Variants in PREX1 observed in about 807,000 individuals in gnomAD.
PREX1 encodes phosphatidylinositol 3,4,5-trisphosphate-dependent Rac exchanger 1 protein.
Under a neutral mutation model 198.3 loss-of-function variants are expected in PREX1, and 41 were observed. The observed-to-expected ratio is 0.21, with a 90% CI of 0.16 to 0.27. The LOEUF (loss-of-function observed/expected upper bound fraction) is 0.27, where lower values mean the gene tolerates loss of function less well. PREX1 is among the 10% of genes least tolerant of loss of function. The pLI, the probability that PREX1 is intolerant of heterozygous loss-of-function variation, is 1.00. For synonymous variants in PREX1, 843 were observed against 887.2 expected (o/e 0.95, Z 0.89); for missense variants, 1,620 against 2,200.7 (o/e 0.74, Z 5.28).
At chr20:48,858,346 A>T in the PREX1 span, among the ~76,000 whole-genome samples, 1 of 152,194 alleles carries the variant, frequency 6.6e-6, no homozygotes, top group Non-Finnish European at 1.5e-5. Context: ...CTCACTCAGC[A>T]TCAATCTCCT....
chr20:48,679,433 T>A (rs764375262), intron 12 of PREX1, 24 bp from the exon 13 acceptor site: 27 of 1,609,788 alleles, frequency 1.7e-5, no homozygotes, highest in Non-Finnish European at 2.1e-5. Flanking sequence ...GGGGAGGAAT[T>A]CTGGGATCAG....
At chr20:48,785,473 G>A (rs933099213) in intron 1 of PREX1, among the ~76,000 whole-genome samples, 4 of 152,222 alleles carry the variant, frequency 2.6e-5, no homozygotes, top group African/African-American at 7.2e-5. Flanking sequence ...CTGGCTTTGG[G>A]TGGGACCCCC....
the PREX1 span, among the ~76,000 whole-genome samples, chr20:48,866,877 C>T: frequency 3.9e-5 from 6 of 151,998 alleles, no homozygotes; most frequent in East Asian, 5.8e-4. Context: ...TGCAGTTAGC[C>T]GAGATCACCC....
intron 15 of PREX1, among the ~76,000 whole-genome samples, chr20:48,665,591 T>C (rs1482886226): frequency 6.6e-6 from 1 of 152,230 alleles, no homozygotes; most frequent in African/African-American, 2.4e-5. Context: ...TCTGAGCTTC[T>C]ATACCCTCAT....
chr20:48,713,579 T>C (rs1324146829), intron 5 of PREX1, among the ~76,000 whole-genome samples: 2 of 151,880 alleles, frequency 1.3e-5, no homozygotes, highest in African/African-American at 4.8e-5. Flanking sequence ...TACCAAAAAA[T>C]TTTAAAAACT....
At chr20:48,746,744 A>G (rs1038755056) in intron 2 of PREX1, among the ~76,000 whole-genome samples, 2 of 148,764 alleles carry the variant, frequency 1.3e-5, no homozygotes, top group Non-Finnish European at 3.0e-5. Context: ...ACTGTATGAG[A>G]CTTCTACCTC....
chr20:48,627,711 C>A (rs2089283992), intron 38 of PREX1, 96 bp from the exon 39 acceptor site: 2 of 1,459,706 alleles, frequency 1.4e-6, no homozygotes, highest in South Asian at 2.3e-5. Flanking sequence ...AGCCCAAGGA[C>A]CCAGAAGCTA....
chr20:48,666,384 T>C lies in PREX1; in HGVS notation c.1666-29A>G. The stretch of plus-strand genomic sequence containing the variant: ...GAATGGAACAAGAAGGGGAGGGTGT[T>C]AGGTGGCAGCATCCGAGAGGCCATG... On this transcript the variant is annotated intron_variant, in intron 14 of 39. Coordinates refer to ENST00000371941, the MANE Select transcript of PREX1 (RefSeq NM_020820.4). The surrounding 1 kb of genome is among the most constrained non-coding windows in gnomAD (Gnocchi z 4.3). 1.3e-6 allele frequency: 2 copies of C among 1,531,816 alleles called. No homozygotes were observed. Among genetic ancestry groups the C allele is most frequent in the Non-Finnish European group, 1.8e-6 (2 of 1,133,522 alleles). The allele number at this position is 1,531,816 out of a possible 1,614,324, so 94.9% of individuals were successfully genotyped here. A position where few individuals can be genotyped will look rare whatever the true frequency, so the allele number is the denominator to read the frequency against.
chr20:48,713,541 C>A (rs1022414274), intron 5 of PREX1, among the ~76,000 whole-genome samples: 1 of 152,034 alleles, frequency 6.6e-6, no homozygotes, highest in Non-Finnish European at 1.5e-5. Context: ...TCAAGACCAG[C>A]CTGGGCAACA....
the PREX1 span, chr20:48,849,541 G>A: frequency 6.6e-6 from 1 of 152,166 alleles, no homozygotes; most frequent in African/African-American, 2.4e-5. Flanking sequence ...TAGAGTGGCT[G>A]CTCCATCAAT....
At chr20:48,865,791 A>G in the PREX1 span, among the ~76,000 whole-genome samples, 1,088 of 152,308 alleles carry the variant, frequency 7.1e-3, 18 homozygotes, top group African/African-American at 0.025. Context: ...GAAATGGTCA[A>G]TAAGGAACAG....
chr20:48,744,693 T>C (rs900781992), intron 3 of PREX1, among the ~76,000 whole-genome samples: 8 of 152,198 alleles, frequency 5.3e-5, no homozygotes, highest in African/African-American at 1.9e-4. Flanking sequence ...CATCTCTTCT[T>C]GGCCACTAGC....
intron 5 of PREX1, among the ~76,000 whole-genome samples, chr20:48,724,222 T>A (rs73911653): frequency 0.073 from 11,101 of 152,282 alleles, 472 homozygotes; most frequent in Middle Eastern, 0.14. Context: ...CTACTGCTTA[T>A]CTACTACGTG....
chr20:48,728,514 C>T (rs1007155552), intron 4 of PREX1, among the ~76,000 whole-genome samples: 1 of 152,250 alleles, frequency 6.6e-6, no homozygotes, highest in Non-Finnish European at 1.5e-5. Context: ...GAATGGCCCC[C>T]ACCAGTGTTT....
chr20:48,713,926 GAAATAAATCCTT>G lies in PREX1; in HGVS notation c.622-5517_622-5506del, dbSNP rs552359308. 1.6e-3 allele frequency among the ~76,000 whole-genome samples: 232 copies of G among 148,142 alleles called. 2 individuals carry two copies. Among genetic ancestry groups the G allele is most frequent in the Middle Eastern group, 7.1e-3 (2 of 280 alleles). On this transcript the variant is annotated intron_variant, in intron 5 of 39. Transcript: ENST00000371941. ...CATATCAAAAAAAATTGAGAGTCCA[GAAATAAATCCTT>G]ACATTTATGGTCAGTTAATTTTCCA...
At chr20:48,672,136 C>A (rs2089679593) in intron 14 of PREX1, among the ~76,000 whole-genome samples, 1 of 152,224 alleles carries the variant, frequency 6.6e-6, no homozygotes, top group Admixed American at 6.5e-5. Context: ...ACTGGTTCCT[C>A]CTCCTCCAGT....
rs1601074400 is a variant in PREX1, at chr20:48,684,041, G to C, written c.1335-2706C>G. On this transcript the variant is annotated intron_variant, in intron 10 of 39. Transcript: ENST00000371941. This position sits in a 1 kb window ranked among gnomAD's most constrained non-coding sequence, Gnocchi z 4.2. ...GTGAGGAGAGCTGGAGATACAAGGA[G>C]AAGGCAATCTAGCTTGATGGGCAGT... Among the ~76,000 whole-genome samples, 1 of 152,162 alleles carries C rather than the reference G, an allele frequency of 6.6e-6. No individual in the cohort carries two copies. Among genetic ancestry groups the C allele is most frequent in the South Asian group, 2.1e-4 (1 of 4,828 alleles).
chr20:48,712,171 T>C (rs1008520832), intron 5 of PREX1, among the ~76,000 whole-genome samples: 2 of 152,190 alleles, frequency 1.3e-5, no homozygotes, highest in Non-Finnish European at 2.9e-5. Context: ...AGCTTGGCCA[T>C]CAGTGAAATT....
intron 1 of PREX1, among the ~76,000 whole-genome samples, chr20:48,816,346 C>T (rs2090459128): frequency 6.6e-6 from 1 of 152,156 alleles, no homozygotes; most frequent in African/African-American, 2.4e-5. Context: ...GATCACTGCC[C>T]CCTGTGTCCA....
Sources: gnomAD v4.1 joint callset for allele counts (sites outside exome capture counted in the v4.1 genomes callset) on GRCh38, gnomAD v4.1.1 for gene constraint, Gnocchi (gnomAD v3.1) non-coding constraint, MANE v1.5 for transcripts, NCBI Gene and HGNC (gene_info 2026-07-23, HGNC 2026-07-21) for gene names.